NPAS3: variants seen among roughly 807,000 people sequenced by gnomAD.
NPAS3 encodes neuronal PAS domain-containing protein 3.
NPAS3 carries 14 observed loss-of-function variants against 73.1 expected under a neutral mutation model. That is an observed-to-expected ratio of 0.19 (90% CI 0.13 to 0.30). The LOEUF (loss-of-function observed/expected upper bound fraction) is 0.30, where lower values mean the gene tolerates loss of function less well. NPAS3 is among the 10% of genes least tolerant of loss of function. The pLI is 1.00. For synonymous variants in NPAS3, 620 were observed against 541.5 expected (o/e 1.14, Z -2.01); for missense variants, 1,096 against 1,250.0 (o/e 0.88, Z 1.86).
At chr14:33,330,501 A>T (rs939735747) in intron 3 of NPAS3, among the ~76,000 whole-genome samples, 4 of 152,222 alleles carry the variant, frequency 2.6e-5, no homozygotes, top group African/African-American at 9.7e-5. Flanking sequence ...TTGGGAGGCC[A>T]TATTAATGAT....
intron 5 of NPAS3, chr14:33,608,374 G>A (rs1339973577): frequency 6.6e-6 from 1 of 152,136 alleles, no homozygotes. Flanking sequence ...AAGTGAGTTA[G>A]GATCACAGTT....
chr14:33,797,520 T>A, exon 11 of NPAS3: 1 of 1,614,098 alleles, frequency 6.2e-7, no homozygotes, highest in Non-Finnish European at 8.5e-7. Context: ...CGGAGAAAAC[T>A]TCCGAATCCT....
intron 4 of NPAS3, among the ~76,000 whole-genome samples, chr14:33,436,177 G>C (rs557325270): frequency 6.6e-6 from 1 of 152,294 alleles, no homozygotes; most frequent in South Asian, 2.1e-4. Flanking sequence ...GGGTGATTTC[G>C]AGAGGTGACT....
chr14:33,731,984 C>T (rs1195363049), intron 6 of NPAS3, among the ~76,000 whole-genome samples: 2 of 152,054 alleles, frequency 1.3e-5, no homozygotes, highest in African/African-American at 4.8e-5. Flanking sequence ...GTAGATTTTT[C>T]CTGTGTCTCA....
At chr14:33,047,143 T>C (rs2040538168) in intron 1 of NPAS3, among the ~76,000 whole-genome samples, 1 of 152,186 alleles carries the variant, frequency 6.6e-6, no homozygotes, top group African/African-American at 2.4e-5. Context: ...GAAATTAGCC[T>C]GAGAAAGGGT....
chr14:33,670,982 T>C (rs1486748742), intron 5 of NPAS3, among the ~76,000 whole-genome samples: 1 of 150,416 alleles, frequency 6.6e-6, no homozygotes, highest in Non-Finnish European at 1.5e-5. Flanking sequence ...ACAGTAGGTT[T>C]TAAATGACCC....
At chr14:33,339,038 G>A (rs1258416259) in intron 3 of NPAS3, among the ~76,000 whole-genome samples, 1 of 152,118 alleles carries the variant, frequency 6.6e-6, no homozygotes, top group Non-Finnish European at 1.5e-5. Context: ...TATATTTTGT[G>A]AGTAATAATT....
At chr14:33,389,211 T>C (rs2046898880) in intron 4 of NPAS3, among the ~76,000 whole-genome samples, 1 of 152,226 alleles carries the variant, frequency 6.6e-6, no homozygotes, top group African/African-American at 2.4e-5. Context: ...ATTTGAACTA[T>C]ACAAGTGTTA....
At chr14:33,185,930 T>C (rs2045959144) in intron 2 of NPAS3, among the ~76,000 whole-genome samples, 1 of 152,202 alleles carries the variant, frequency 6.6e-6, no homozygotes, top group Non-Finnish European at 1.5e-5. Flanking sequence ...CCTGAAGTGA[T>C]TAAGAATTGA....
chr14:32,978,363 G>A (rs2037772412), intron 1 of NPAS3, among the ~76,000 whole-genome samples: 1 of 152,132 alleles, frequency 6.6e-6, no homozygotes, highest in African/African-American at 2.4e-5. Context: ...TGGGAGAAGG[G>A]CCATCCACAT....
intron 3 of NPAS3, among the ~76,000 whole-genome samples, chr14:33,241,928 T>G (rs1319867907): frequency 6.6e-6 from 1 of 152,050 alleles, no homozygotes; most frequent in Non-Finnish European, 1.5e-5. Context: ...CTTCTAGACA[T>G]GCATATTGAT....
intron 4 of NPAS3, among the ~76,000 whole-genome samples, chr14:33,546,887 T>C (rs2054871228): frequency 6.6e-6 from 1 of 152,196 alleles, no homozygotes; most frequent in Admixed American, 6.5e-5. Flanking sequence ...GTCTAGTACA[T>C]TAGGCCTGCC....
intron 4 of NPAS3, among the ~76,000 whole-genome samples, chr14:33,396,085 G>A (rs964953683): frequency 7.2e-5 from 11 of 152,122 alleles, no homozygotes; most frequent in Non-Finnish European, 1.5e-4. Context: ...GTGTTGTGGG[G>A]AGGAAGCCTG....
chr14:33,038,858 G>T (rs1188835597), intron 1 of NPAS3, among the ~76,000 whole-genome samples: 1 of 152,166 alleles, frequency 6.6e-6, no homozygotes, highest in Non-Finnish European at 1.5e-5. Context: ...TAAATTAATG[G>T]CATTTATTGG....
intron 4 of NPAS3, among the ~76,000 whole-genome samples, chr14:33,490,236 G>T (rs547482254): frequency 6.6e-6 from 1 of 152,000 alleles, no homozygotes. Context: ...TATATGTTTC[G>T]AACCCATTAT....
chr14:33,684,943 T>C (rs2060046899), intron 6 of NPAS3, among the ~76,000 whole-genome samples: 1 of 152,160 alleles, frequency 6.6e-6, no homozygotes, highest in South Asian at 2.1e-4. Flanking sequence ...ACAATCATGG[T>C]TTCTTGGGAC....
At chr14:33,774,930 A>T (rs2062766297) in intron 8 of NPAS3, among the ~76,000 whole-genome samples, 1 of 152,166 alleles carries the variant, frequency 6.6e-6, no homozygotes, top group South Asian at 2.1e-4. Flanking sequence ...CACAGACGCT[A>T]AGCATGGAAA....
chr14:33,017,387 G>C (rs762585149), intron 1 of NPAS3, among the ~76,000 whole-genome samples: 20 of 152,112 alleles, frequency 1.3e-4, no homozygotes, highest in Admixed American at 2.0e-4. Flanking sequence ...CTCAGTTTAT[G>C]CAAGTCACCT....
intron 2 of NPAS3, among the ~76,000 whole-genome samples, chr14:33,073,120 G>T (rs936991771): frequency 6.6e-6 from 1 of 152,086 alleles, no homozygotes; most frequent in Non-Finnish European, 1.5e-5. Context: ...TGGGGAAAAT[G>T]GAATATGTTG....
Sources: gnomAD v4.1 joint callset for allele counts (sites outside exome capture counted in the v4.1 genomes callset) on GRCh38, gnomAD v4.1.1 for gene constraint, MANE v1.5 for transcripts, NCBI Gene and HGNC (gene_info 2026-07-23, HGNC 2026-07-21) for gene names.